The following KMT2C variants were observed in gnomAD, a reference collection of about 807,000 sequenced individuals.
KMT2C encodes the protein histone-lysine N-methyltransferase 2C.
A neutral mutation model predicts 507.9 loss-of-function variants in KMT2C; 88 were observed. That is an observed-to-expected ratio of 0.17 (90% CI 0.15 to 0.21). The LOEUF (loss-of-function observed/expected upper bound fraction) is 0.21, where lower values mean the gene tolerates loss of function less well. Ranked by LOEUF, KMT2C falls within the 10% of genes least tolerant of loss-of-function variation. The pLI is 1.00. For synonymous variants in KMT2C, 2,049 were observed against 2,080.8 expected (o/e 0.98, Z 0.42); for missense variants, 4,954 against 5,957.8 (o/e 0.83, Z 5.55).
intron 1 of KMT2C, among the ~76,000 whole-genome samples, chr7:152,422,285 A>T (rs1343083605): frequency 8.7e-6 from 1 of 115,374 alleles, no homozygotes; most frequent in Non-Finnish European, 1.7e-5. Flanking sequence ...AGTCTCTACT[A>T]AAAAAAAAAA....
At chr7:152,201,287 GACACAGACACACAC>G (rs976960489) in intron 26 of KMT2C, among the ~76,000 whole-genome samples, 1 of 123,134 alleles carries the variant, frequency 8.1e-6, no homozygotes, top group Non-Finnish European at 1.7e-5. Flanking sequence ...CACACATACA[GACACAGACACACAC>G]ACACACACAC....
chr7:152,297,053 G>GAAAGAAAGAAAGAA (rs1554622595), intron 6 of KMT2C, among the ~76,000 whole-genome samples: 6 of 81,466 alleles, frequency 7.4e-5, no homozygotes, highest in South Asian at 9.1e-4. Flanking sequence ...AAGAAAGAAA[G>GAAAGAAAGAAAGAA]ACAGAGAGAG....
At position 152,162,446 on chromosome 7, in the gene KMT2C, T is replaced by C. The variant is rs1458883333; in HGVS notation, c.11131A>G (p.Thr3711Ala). The part of the protein sequence containing the change: ...NSEVDKLSME[T>A]PAKTEEIKLE... ...TTTATCTCTTCTGTTTTGGCAGGGG[T>C]TTCCATGGAGAGCTTGTCTACTTCT... The change falls in exon 43 of 59, where the codon ACC becomes GCC. Residue 3711 changes from threonine to alanine, a missense_variant. By Grantham distance (58) the Thr-to-Ala change is moderately conservative (BLOSUM62 0). Coordinates refer to ENST00000262189, the MANE Select transcript of KMT2C (RefSeq NM_170606.3). 2 of 1,614,224 alleles carry C rather than the reference T, an allele frequency of 1.2e-6. No homozygotes were observed. The highest frequency in any genetic ancestry group is 1.1e-5 in the South Asian group (1 of 91,082).
At chr7:152,314,433 T>C (rs2096704114) in intron 4 of KMT2C, among the ~76,000 whole-genome samples, 2 of 152,118 alleles carry the variant, frequency 1.3e-5, no homozygotes, top group African/African-American at 2.4e-5. Context: ...ATATGGTCTT[T>C]AAACACAACT....
intron 6 of KMT2C, among the ~76,000 whole-genome samples, chr7:152,302,489 G>A (rs997271177): frequency 6.6e-6 from 1 of 152,076 alleles, no homozygotes; most frequent in Non-Finnish European, 1.5e-5. Flanking sequence ...TAGGATTACA[G>A]GCGTGAGCCA....
At chr7:152,299,783 C>T (rs543578955) in intron 6 of KMT2C, among the ~76,000 whole-genome samples, 1 of 151,824 alleles carries the variant, frequency 6.6e-6, no homozygotes, top group Non-Finnish European at 1.5e-5. Context: ...AGACCATATA[C>T]ATTTAATGTG....
chr7:152,272,557 G>A (rs946568299), intron 7 of KMT2C, among the ~76,000 whole-genome samples: 1 of 152,078 alleles, frequency 6.6e-6, no homozygotes, highest in Non-Finnish European at 1.5e-5. Flanking sequence ...AATAGTAGCC[G>A]TAACAGTTGC....
intron 2 of KMT2C, among the ~76,000 whole-genome samples, chr7:152,331,306 T>A (rs1296212375): frequency 6.7e-6 from 1 of 148,762 alleles, no homozygotes; most frequent in Non-Finnish European, 1.5e-5. Context: ...CCAGACCCTG[T>A]CTCAAAAAAA....
At chr7:152,269,030 C>T (rs2095910172) in intron 7 of KMT2C, among the ~76,000 whole-genome samples, 1 of 152,030 alleles carries the variant, frequency 6.6e-6, no homozygotes, top group African/African-American at 2.4e-5. Flanking sequence ...ACAATTATTC[C>T]CAATGTTTCC....
At chr7:152,342,324 A>G (rs999402241) in intron 2 of KMT2C, among the ~76,000 whole-genome samples, 2 of 151,168 alleles carry the variant, frequency 1.3e-5, no homozygotes, top group African/African-American at 4.9e-5. Flanking sequence ...TACTATTTTA[A>G]TAAGAATTAT....
chr7:152,427,354 TTA>T (rs1362673751), intron 1 of KMT2C, among the ~76,000 whole-genome samples: 1 of 152,210 alleles, frequency 6.6e-6, no homozygotes, highest in Non-Finnish European at 1.5e-5. Context: ...CCCAATCTTT[TTA>T]TATGCACAAA....
Position 152,139,714 on chromosome 7 carries a change from G to A in KMT2C, c.14421C>T (p.Asn4807=), listed in dbSNP as rs62481482. The change falls in exon 56 of 59, where the codon AAC becomes AAT. Residue 4807 remains asparagine, a synonymous_variant. Coordinates refer to ENST00000262189, the MANE Select transcript of KMT2C (RefSeq NM_170606.3). ...VIEYIGTIIR[N]EVANRKEKLY... ...GCTTCTCTTTCCTGTTGGCTACTTC[G>A]TTTCGAATGATAGTCCCGATGTACT... The A allele has an allele frequency of 1.4e-4, 223 of 1,613,888 alleles. No individual in the cohort carries two copies. The East Asian group carries it at 3.7e-3, about 26-fold the overall frequency.
intron 16 of KMT2C, among the ~76,000 whole-genome samples, chr7:152,231,824 A>G (rs2095125811): frequency 6.6e-6 from 1 of 152,016 alleles, no homozygotes; most frequent in Non-Finnish European, 1.5e-5. Context: ...TTAACTAAAC[A>G]GAAGGACTAC....
chr7:152,411,035 G>T (rs372975765), intron 1 of KMT2C, among the ~76,000 whole-genome samples: 1 of 137,878 alleles, frequency 7.3e-6, no homozygotes, highest in African/African-American at 2.7e-5. Flanking sequence ...GTGTATATAT[G>T]TATATGTGTG....
At chr7:152,251,874 T>G in intron 11 of KMT2C, 65 bp downstream of exon 11, 1 of 1,171,966 alleles carries the variant, frequency 8.5e-7, no homozygotes, top group Middle Eastern at 2.6e-4. Flanking sequence ...AGCAATATAT[T>G]GGTGATACAA....
intron 6 of KMT2C, among the ~76,000 whole-genome samples, chr7:152,307,248 A>AGGAAGGAAGGACGGACGGAC: frequency 8.5e-6 from 1 of 116,988 alleles, no homozygotes; most frequent in South Asian, 2.8e-4. Context: ...GAAGGAAGGA[A>AGGAAGGAAGGACGGACGGAC]GGACGGTAGG....
intron 3 of KMT2C, among the ~76,000 whole-genome samples, chr7:152,326,936 A>G (rs957461068): frequency 1.2e-4 from 19 of 152,354 alleles, no homozygotes; most frequent in Non-Finnish European, 2.5e-4. Flanking sequence ...TCCTATTTTA[A>G]GGAAACTGTG....
rs1588626891 is a variant in KMT2C, at chr7:152,255,109, T to TATATATATATA, written c.1300-2395_1300-2394insTATATATATAT. Among the ~76,000 whole-genome samples the TATATATATATA allele has an allele frequency of 7.9e-3, 621 of 78,320 alleles. 25 individuals carry two copies. The highest frequency in any genetic ancestry group is 0.011 in the Non-Finnish European group (397 of 37,246). The allele number at this position is 78,320 out of a possible 152,430, so 51.4% of individuals were successfully genotyped here. ...AATCAAGATGTCAATCAACTCTCAC[T>TATATATATATA]TATATATATATATATATATATATAT... On this transcript the variant is annotated intron_variant, in intron 9 of 58. Coordinates refer to ENST00000262189, the MANE Select transcript of KMT2C (RefSeq NM_170606.3).
intron 1 of KMT2C, among the ~76,000 whole-genome samples, chr7:152,407,688 T>G (rs2097631978): frequency 6.9e-6 from 1 of 144,964 alleles, no homozygotes. Context: ...AAAAAAAAGG[T>G]AGCAAAGGAA....
Sources: allele counts gnomAD v4.1 joint callset (sites outside exome capture counted in the v4.1 genomes callset), GRCh38; gene constraint gnomAD v4.1.1; transcripts MANE v1.5; gene names NCBI Gene and HGNC (gene_info 2026-07-23, HGNC 2026-07-21).